Variants in ANKFN1 observed in about 807,000 individuals in gnomAD.
The protein encoded by ANKFN1 is ankyrin repeat and fibronectin type III domain containing 1, also known as ankyrin repeat and fibronectin type-III domain-containing protein 1.
In ANKFN1, 74 loss-of-function variants were observed where a neutral mutation model predicts 108.7. The ratio of observed to expected loss-of-function variants is 0.68; its 90% CI spans 0.56 to 0.83. ANKFN1 has a LOEUF of 0.83. Ranked by LOEUF, ANKFN1 falls within the 40% of genes least tolerant of loss-of-function variation. ANKFN1 has a pLI of 0.00. For synonymous variants in ANKFN1, 547 were observed against 516.2 expected, an observed-to-expected ratio of 1.06 and a Z score of -0.81; for missense variants, 1,505 against 1,382.3, an observed-to-expected ratio of 1.09 and a Z score of -1.41.
rs1016907749 is a variant in ANKFN1, at chr17:56,466,472, T to C, written c.1674T>C (p.Asn558=). The C allele has an allele frequency of 4.3e-6, 7 of 1,614,076 alleles. No homozygotes were observed. In the African/African-American group the frequency reaches 9.3e-5, roughly 22 times the overall value. The change falls in exon 15 of 21, where the codon AAT becomes AAC. Residue 558 remains asparagine, a synonymous_variant. Coordinates refer to ENST00000682825, the MANE Select transcript of ANKFN1 (RefSeq NM_001370326.1). ...REVEMLYSFF[N]GKWMQISKLQ... ...TGGAGATGCTTTATTCATTTTTTAA[T>C]GGCAAATGGATGCAGATCTCAAAGC...
intron 4 of ANKFN1, among the ~76,000 whole-genome samples, chr17:56,337,301 C>T (rs2045838265): frequency 2.0e-5 from 3 of 152,072 alleles, no homozygotes; most frequent in African/African-American, 7.2e-5. Context: ...GTCGATCTGT[C>T]TAATATTGAC....
At chr17:56,307,063 A>G (rs1483899736) in intron 3 of ANKFN1, among the ~76,000 whole-genome samples, 4 of 152,236 alleles carry the variant, frequency 2.6e-5, no homozygotes, top group Non-Finnish European at 4.4e-5. Context: ...CTTACACCTT[A>G]TACAAAAATT....
chr17:56,088,329 A>G (rs1905352828), intron 4 of ANKFN1, among the ~76,000 whole-genome samples: 1 of 151,182 alleles, frequency 6.6e-6, no homozygotes, highest in Admixed American at 6.6e-5. Flanking sequence ...GAAAAATTTA[A>G]AACTCCTTAC....
chr17:56,274,974 C>T (rs752488377), intron 3 of ANKFN1, among the ~76,000 whole-genome samples: 6 of 152,112 alleles, frequency 3.9e-5, no homozygotes, highest in African/African-American at 1.2e-4. Flanking sequence ...GACTGAATAA[C>T]GGTCCCTTCT....
chr17:56,410,848 T>G (rs1486511582), intron 8 of ANKFN1, among the ~76,000 whole-genome samples: 2 of 152,258 alleles, frequency 1.3e-5, no homozygotes. Context: ...CATGGGTTTA[T>G]TTCTAGGCTT....
chr17:56,231,653 A>T (rs1011614415), intron 3 of ANKFN1, among the ~76,000 whole-genome samples: 1 of 152,202 alleles, frequency 6.6e-6, no homozygotes, highest in Non-Finnish European at 1.5e-5. Context: ...TTCCATGCAC[A>T]AAGGCCACGT....
At chr17:56,055,716 TTTCTC>T (rs1446216072) in intron 4 of ANKFN1, among the ~76,000 whole-genome samples, 1 of 150,514 alleles carries the variant, frequency 6.6e-6, no homozygotes, top group Non-Finnish European at 1.5e-5. Context: ...TATATATTGA[TTTCTC>T]TTTCTTTGGG....
At chr17:56,368,022 C>T in intron 6 of ANKFN1, 1 of 342,978 alleles carries the variant, frequency 2.9e-6, no homozygotes, top group Non-Finnish European at 5.1e-6. Flanking sequence ...GTCTCAATTT[C>T]TTCATCTTTA....
chr17:56,362,454 C>T (rs1049846483), intron 6 of ANKFN1, among the ~76,000 whole-genome samples: 5 of 152,092 alleles, frequency 3.3e-5, no homozygotes, highest in African/African-American at 4.8e-5. Context: ...CATGAATGGA[C>T]GGTAAACTGC....
At chr17:56,186,325 C>T (rs1184646007) in intron 1 of ANKFN1, among the ~76,000 whole-genome samples, 1 of 152,152 alleles carries the variant, frequency 6.6e-6, no homozygotes, top group African/African-American at 2.4e-5. Flanking sequence ...TTCCTCACAT[C>T]TGAATAGCAT....
intron 15 of ANKFN1, among the ~76,000 whole-genome samples, chr17:56,467,763 G>C (rs1405697799): frequency 1.2e-3 from 32 of 27,422 alleles, no homozygotes; most frequent in African/African-American, 4.1e-3. Context: ...AAGAAAGAAA[G>C]AAAGAAAGAA....
At chr17:56,185,429 C>T (rs1414374899) in intron 1 of ANKFN1, among the ~76,000 whole-genome samples, 1 of 152,164 alleles carries the variant, frequency 6.6e-6, no homozygotes, top group East Asian at 1.9e-4. Flanking sequence ...TTATAACCCC[C>T]CTTCCCATAA....
chr17:56,306,235 C>A (rs1598383361), intron 3 of ANKFN1, among the ~76,000 whole-genome samples: 1 of 152,286 alleles, frequency 6.6e-6, no homozygotes, highest in Admixed American at 6.5e-5. Context: ...AATGTATATG[C>A]TAACTTGGGG....
At chr17:56,443,004 A>G (rs1284773505) in intron 10 of ANKFN1, 71 bp downstream of exon 10, 4 of 1,497,926 alleles carry the variant, frequency 2.7e-6, no homozygotes, top group Non-Finnish European at 3.7e-6. Context: ...TCAGGGTGCC[A>G]TTGCCATTCC....
At chr17:56,351,915 A>G (rs1377298262) in intron 5 of ANKFN1, among the ~76,000 whole-genome samples, 1 of 152,162 alleles carries the variant, frequency 6.6e-6, no homozygotes, top group Non-Finnish European at 1.5e-5. Flanking sequence ...AGCATGCCAA[A>G]GTTTGCCAAC....
chr17:56,161,867 G>T (rs1371664082), intron 1 of ANKFN1, among the ~76,000 whole-genome samples: 1 of 152,150 alleles, frequency 6.6e-6, no homozygotes, highest in East Asian at 1.9e-4. Flanking sequence ...TAGAAGATTT[G>T]GGACAGTTCT....
At chr17:56,333,259 T>C (rs1300506941) in intron 4 of ANKFN1, among the ~76,000 whole-genome samples, 1 of 152,096 alleles carries the variant, frequency 6.6e-6, no homozygotes, top group Non-Finnish European at 1.5e-5. Context: ...ATAGAAGAGC[T>C]TAGTCTTTAC....
chr17:56,120,590 A>T (rs1056152078), intron 4 of ANKFN1, among the ~76,000 whole-genome samples: 1 of 152,190 alleles, frequency 6.6e-6, no homozygotes, highest in African/African-American at 2.4e-5. Context: ...CCTCCTCTGG[A>T]CAAAGCTTGG....
intron 3 of ANKFN1, among the ~76,000 whole-genome samples, chr17:56,315,759 A>G (rs990164942): frequency 6.6e-6 from 1 of 152,208 alleles, no homozygotes; most frequent in African/African-American, 2.4e-5. Context: ...ATCTGATTTC[A>G]TAGGAGTTCA....
Sources: gnomAD v4.1 joint callset for allele counts (sites outside exome capture counted in the v4.1 genomes callset) on GRCh38, gnomAD v4.1.1 for gene constraint, MANE v1.5 for transcripts, NCBI Gene and HGNC (gene_info 2026-07-23, HGNC 2026-07-21) for gene names.